MGLL: variants seen among roughly 807,000 people sequenced by gnomAD.
MGLL encodes the protein monoglyceride lipase, also known as lysophospholipase homolog.
MGLL carries 7 observed loss-of-function variants against 29.1 expected under a neutral mutation model. That is an observed-to-expected ratio of 0.24 (90% CI 0.14 to 0.45). The LOEUF (loss-of-function observed/expected upper bound fraction) is 0.45. Ranked by LOEUF, MGLL falls within the 20% of genes least tolerant of loss-of-function variation. MGLL has a pLI of 0.99. For missense variants in MGLL, 356 were observed against 413.6 expected, an observed-to-expected ratio of 0.86 and a Z score of 1.21; for synonymous variants, 148 against 168.3, an observed-to-expected ratio of 0.88 and a Z score of 0.93.
At chr3:127,732,814 T>C (rs1286690499) in intron 3 of MGLL, among the ~76,000 whole-genome samples, 2 of 152,154 alleles carry the variant, frequency 1.3e-5, no homozygotes, top group African/African-American at 4.8e-5. Flanking sequence ...TGGCAGCCAA[T>C]GTCCACTGGA....
At chr3:127,819,391 C>G (rs909870688) in intron 2 of MGLL, among the ~76,000 whole-genome samples, 1 of 152,160 alleles carries the variant, frequency 6.6e-6, no homozygotes, top group Non-Finnish European at 1.5e-5. Context: ...CACAGGCCCC[C>G]GGGGTGGCTT....
At chr3:127,724,129 G>T (rs1404172357) in intron 3 of MGLL, among the ~76,000 whole-genome samples, 6 of 152,138 alleles carry the variant, frequency 3.9e-5, no homozygotes, top group African/African-American at 1.4e-4. Flanking sequence ...AATGTCTGTT[G>T]TCGAGGCCCC....
intron 4 of MGLL, among the ~76,000 whole-genome samples, chr3:127,721,513 T>G (rs1222393120): frequency 1.3e-5 from 2 of 149,356 alleles, no homozygotes; most frequent in South Asian, 2.1e-4. Flanking sequence ...GAGGGTTTTT[T>G]TTTTTTTTTT....
intron 3 of MGLL, among the ~76,000 whole-genome samples, chr3:127,766,089 C>T (rs1450761710): frequency 2.6e-5 from 4 of 152,312 alleles, no homozygotes; most frequent in Admixed American, 2.0e-4. Flanking sequence ...GCTTGTCCAA[C>T]GTCACAAATG....
Position 127,710,681 on chromosome 3 carries a change from A to G in MGLL, c.511-16T>C. 2 of 1,553,132 alleles carry G rather than the reference A, an allele frequency of 1.3e-6. No individual in the cohort carries two copies. Among genetic ancestry groups the G allele is most frequent in the South Asian group, 1.2e-5 (1 of 84,384 alleles). On this transcript the variant is annotated splice_polypyrimidine_tract_variant and intron_variant, in intron 5 of 7. Transcript: ENST00000265052. ...CAGCAAGGACCTAGCCGGGGAGGGA[A>G]AACAAGGGCTGTGAGCACAAGTGGC... is the stretch of plus-strand genomic sequence containing the variant.
At chr3:127,750,044 T>C (rs774785054) in intron 3 of MGLL, among the ~76,000 whole-genome samples, 2 of 151,958 alleles carry the variant, frequency 1.3e-5, no homozygotes, top group Non-Finnish European at 2.9e-5. Context: ...TCTTGGGGAC[T>C]TTGACTTTTA....
chr3:127,758,393 C>T (rs1405187930), intron 3 of MGLL, among the ~76,000 whole-genome samples: 1 of 152,262 alleles, frequency 6.6e-6, no homozygotes, highest in Non-Finnish European at 1.5e-5. Context: ...CTGTGCCCAG[C>T]ACCATGCCTG....
intron 3 of MGLL, among the ~76,000 whole-genome samples, chr3:127,725,852 G>A (rs1161398234): frequency 6.6e-6 from 1 of 152,082 alleles, no homozygotes; most frequent in Non-Finnish European, 1.5e-5. Flanking sequence ...GATCGCTTGA[G>A]GCCAAGAGTT....
At chr3:127,745,008 G>A (rs184472166) in intron 3 of MGLL, among the ~76,000 whole-genome samples, 5 of 152,282 alleles carry the variant, frequency 3.3e-5, no homozygotes, top group East Asian at 1.9e-4. Flanking sequence ...CCTGCTGACC[G>A]GCAGAGTCCC....
intron 2 of MGLL, among the ~76,000 whole-genome samples, chr3:127,800,401 A>C (rs1576306013): frequency 6.6e-6 from 1 of 152,344 alleles, no homozygotes; most frequent in Middle Eastern, 3.4e-3. Flanking sequence ...AGTTGACTTG[A>C]GTTCAGATCT....
chr3:127,736,482 T>G (rs1344640280), intron 3 of MGLL: 1 of 393,214 alleles, frequency 2.5e-6, no homozygotes, highest in Non-Finnish European at 3.5e-6. Context: ...GACTTCAGCT[T>G]CATGCATCCC....
At chr3:127,791,424 G>C (rs2077298860) in intron 2 of MGLL, among the ~76,000 whole-genome samples, 1 of 152,166 alleles carries the variant, frequency 6.6e-6, no homozygotes, top group African/African-American at 2.4e-5. Flanking sequence ...CACATTTCAT[G>C]TCCTGATGAT....
chr3:127,712,703 T>C (rs2075741058), intron 5 of MGLL: 1 of 152,440 alleles, frequency 6.6e-6, no homozygotes. Context: ...TTGAGCACTG[T>C]GCAGGGGCAT....
intron 3 of MGLL, among the ~76,000 whole-genome samples, chr3:127,727,666 C>T (rs867282984): frequency 5.3e-5 from 7 of 133,138 alleles, no homozygotes; most frequent in Admixed American, 2.7e-4. Context: ...GAGCCATGAT[C>T]GTGCCACTGG....
intron 3 of MGLL, among the ~76,000 whole-genome samples, chr3:127,733,637 G>A (rs1011389102): frequency 6.6e-6 from 1 of 152,224 alleles, no homozygotes. Context: ...TACCTAGAGA[G>A]AGGGGAGGCT....
chr3:127,756,401 T>A (rs905232548), intron 3 of MGLL, among the ~76,000 whole-genome samples: 4 of 152,144 alleles, frequency 2.6e-5, no homozygotes, highest in African/African-American at 7.2e-5. Context: ...GGCCAATATT[T>A]CTCTGCTTTC....
chr3:127,789,496 G>A (rs532359605), intron 2 of MGLL, among the ~76,000 whole-genome samples: 5 of 152,204 alleles, frequency 3.3e-5, no homozygotes, highest in Non-Finnish European at 7.3e-5. Flanking sequence ...GACTGCTTGA[G>A]GCCAGGAGTT....
chr3:127,723,876 C>A (rs2075983366), intron 3 of MGLL, among the ~76,000 whole-genome samples: 1 of 152,116 alleles, frequency 6.6e-6, no homozygotes, highest in South Asian at 2.1e-4. Context: ...CGGAATGGGA[C>A]CTTATTTGAA....
At position 127,821,722 on chromosome 3, in the gene MGLL, T is replaced by C; in HGVS notation, c.127A>G (p.Arg43Gly). ...GGTGTGCCTGTGGGTTTCCAGTACC[T>C]GCAGAAGAGGTACTGTCCGTCTGCA... The part of the protein sequence containing the change: ...VNADGQYLFC[R>G]YWKPTGTPKA... Residue 43 changes from arginine (R) to glycine (G), a missense_variant, in exon 2 of 8, where the codon AGG (arginine) becomes GGG (glycine). Physicochemically the swap from Arg to Gly is moderately radical, Grantham distance 125. Transcript: ENST00000265052. 2.5e-6 allele frequency: 4 copies of C among 1,614,162 alleles called. No homozygotes were observed. Among genetic ancestry groups the C allele is most frequent in the Non-Finnish European group, 2.5e-6 (3 of 1,180,000 alleles).
Sources: gnomAD v4.1 joint callset for allele counts (sites outside exome capture counted in the v4.1 genomes callset) on GRCh38, gnomAD v4.1.1 for gene constraint, MANE v1.5 for transcripts, NCBI Gene and HGNC (gene_info 2026-07-23, HGNC 2026-07-21) for gene names.